Variants in FAM241A observed in about 807,000 individuals in gnomAD.
FAM241A encodes the protein family with sequence similarity 241 member A.
FAM241A carries 7 observed loss-of-function variants against 12.2 expected under a neutral mutation model. That is an observed-to-expected ratio of 0.58 (90% CI 0.33 to 1.08). The LOEUF (loss-of-function observed/expected upper bound fraction) is 1.08, where lower values mean the gene tolerates loss of function less well. FAM241A is among the 50% of genes least tolerant of loss of function. The pLI is 0.04. For synonymous variants in FAM241A, 74 were observed against 68.2 expected (o/e 1.08, Z -0.42); for missense variants, 161 against 169.7 (o/e 0.95, Z 0.29).
intron 1 of FAM241A, among the ~76,000 whole-genome samples, chr4:112,148,382 A>G (rs1473605460): frequency 6.6e-6 from 1 of 152,132 alleles, no homozygotes; most frequent in Non-Finnish European, 1.5e-5. Context: ...TAGTATTAAC[A>G]TAGGTGTTTT....
chr4:112,167,429 A>G (rs1723621893), intron 1 of FAM241A, among the ~76,000 whole-genome samples: 1 of 152,182 alleles, frequency 6.6e-6, no homozygotes, highest in African/African-American at 2.4e-5. Context: ...CCATTCATCG[A>G]GGCAGAGGAT....
At chr4:112,167,277 T>C (rs910483692) in intron 1 of FAM241A, among the ~76,000 whole-genome samples, 7 of 151,944 alleles carry the variant, frequency 4.6e-5, no homozygotes, top group African/African-American at 1.7e-4. Context: ...AGTAAAAAGA[T>C]AAGATGCCCT....
In FAM241A at chr4:112,194,285, C is replaced by A. The variant is rs1724223747; in HGVS notation, c.*7347C>A. 4 of 151,760 alleles carry A rather than the reference C, an allele frequency of 2.6e-5. No homozygotes were observed. Among genetic ancestry groups the A allele is most frequent in the Admixed American group, 6.6e-5 (1 of 15,234 alleles). 9.4% of individuals were successfully genotyped at this position (151,760 alleles called of 1,614,324 possible). ...GGGTTTTCTAGATATACAATCATGT[C>A]ATCTGCAAACAGGGACAATTTGACT... On this transcript the variant is annotated 3_prime_UTR_variant, in exon 2 of 2. Transcript: ENST00000309733.
Position 112,166,225 on chromosome 4 carries a change from A to AT in FAM241A, c.154-20456dup, listed in dbSNP as rs902065571. On this transcript the variant is annotated intron_variant, in intron 1 of 1. Coordinates refer to ENST00000309733, the MANE Select transcript of FAM241A (RefSeq NM_152400.3). ...CACCACACCCGGCTAATTTTTTTGT[A>AT]TTTTTTTTTTTTAGTAGAGACGGGG... Among the ~76,000 whole-genome samples, 363 of 138,188 alleles carry AT rather than the reference A, an allele frequency of 2.6e-3. 3 individuals carry two copies. Among genetic ancestry groups the AT allele is most frequent in the East Asian group, 6.3e-3 (30 of 4,780 alleles). The allele number at this position is 138,188 out of a possible 152,430, so 90.7% of individuals were successfully genotyped here.
At chr4:112,174,810 G>A (rs1264870240) in intron 1 of FAM241A, among the ~76,000 whole-genome samples, 1 of 152,158 alleles carries the variant, frequency 6.6e-6, no homozygotes. Context: ...CAGGACAATA[G>A]CCTCAATGGC....
intron 1 of FAM241A, among the ~76,000 whole-genome samples, chr4:112,164,785 T>G (rs566976513): frequency 2.6e-5 from 4 of 152,244 alleles, no homozygotes; most frequent in Admixed American, 2.6e-4. Context: ...AATTTTAACA[T>G]GGGCAAAATA....
chr4:112,162,399 A>G (rs1383341804), intron 1 of FAM241A, among the ~76,000 whole-genome samples: 1 of 152,216 alleles, frequency 6.6e-6, no homozygotes, highest in Non-Finnish European at 1.5e-5. Flanking sequence ...ATGATTATAT[A>G]TTTAGAAAAC....
intron 1 of FAM241A, among the ~76,000 whole-genome samples, chr4:112,146,647 C>T (rs1015421064): frequency 6.6e-6 from 1 of 152,196 alleles, no homozygotes; most frequent in East Asian, 1.9e-4. Context: ...ACTGTTAGGA[C>T]AATTAATACC....
rs534984877 is a variant in FAM241A at position 112,160,889 on chromosome 4, G to A, written c.153+15156G>A. 2.1e-4 allele frequency among the ~76,000 whole-genome samples: 32 copies of A among 151,796 alleles called. No homozygotes were observed. The South Asian group carries it at 5.0e-3, about 24-fold the overall frequency. ...GAATGAAACTACATCCTTATCTCTC[G>A]CCATATACAAAAATCAAATCAAAAT... On this transcript the variant is annotated intron_variant, in intron 1 of 1. Coordinates refer to ENST00000309733, the MANE Select transcript of FAM241A (RefSeq NM_152400.3).
chr4:112,167,006 T>C (rs530288538), intron 1 of FAM241A, among the ~76,000 whole-genome samples: 18 of 62,418 alleles, frequency 2.9e-4, no homozygotes, highest in Middle Eastern at 8.5e-3. Context: ...CCCAGCTACT[T>C]GGGAGGCTGA....
In FAM241A at chr4:112,184,278, C is replaced by A. The variant is rs534560742; in HGVS notation, c.154-2415C>A. Reference sequence around the variant, plus strand: ...GGCACAGTGGCTCACGCTGGTAATTCCAGCACTTTGGGAGGCCAAGGCAGG... The same window carrying A: ...GGCACAGTGGCTCACGCTGGTAATTACAGCACTTTGGGAGGCCAAGGCAGG... On this transcript the variant is annotated intron_variant, in intron 1 of 1. Transcript: ENST00000309733. Among the ~76,000 whole-genome samples the A allele has an allele frequency of 3.9e-5, 6 of 152,264 alleles. No homozygotes were observed. The East Asian group carries it at 7.7e-4, about 20-fold the overall frequency.
At chr4:112,147,330 A>T (rs1161910643) in intron 1 of FAM241A, among the ~76,000 whole-genome samples, 1 of 152,218 alleles carries the variant, frequency 6.6e-6, no homozygotes, top group Non-Finnish European at 1.5e-5. Flanking sequence ...TTTTTGCCTC[A>T]AGATTTATTA....
At chr4:112,164,990 G>A (rs1438509960) in intron 1 of FAM241A, among the ~76,000 whole-genome samples, 1 of 152,080 alleles carries the variant, frequency 6.6e-6, no homozygotes, top group Non-Finnish European at 1.5e-5. Context: ...TCAGCTATTT[G>A]GGAGGCTGAG....
chr4:112,181,672 C>T (rs553927472), intron 1 of FAM241A, among the ~76,000 whole-genome samples: 135 of 152,292 alleles, frequency 8.9e-4, no homozygotes, highest in African/African-American at 3.1e-3. Context: ...GATGCCTTAA[C>T]TAAGCAAAGG....
chr4:112,182,972 C>A (rs200521125), intron 1 of FAM241A, among the ~76,000 whole-genome samples: 2 of 114,134 alleles, frequency 1.8e-5, no homozygotes, highest in African/African-American at 6.6e-5. Flanking sequence ...TTTTTTTTTT[C>A]TTTTGCCTGC....
intron 1 of FAM241A, among the ~76,000 whole-genome samples, chr4:112,149,995 T>G (rs1476470973): frequency 1.3e-5 from 2 of 152,134 alleles, no homozygotes; most frequent in Admixed American, 6.5e-5. Flanking sequence ...ACCACTCACA[T>G]GTATACACGT....
chr4:112,193,037 T>C lies in FAM241A; in HGVS notation c.*6099T>C, dbSNP rs1321670080. On this transcript the variant is annotated 3_prime_UTR_variant, in exon 2 of 2. Transcript: ENST00000309733. ...TTTCCTGACTTTTTAATGATCGCCATTCTAACTGGTGTGAGATGGTATCTC... is the reference window on the plus strand; with the variant it reads ...TTTCCTGACTTTTTAATGATCGCCACTCTAACTGGTGTGAGATGGTATCTC... The C allele has an allele frequency of 2.6e-5, 4 of 151,124 alleles. 1 individual carries two copies. Among genetic ancestry groups the C allele is most frequent in the African/African-American group, 9.8e-5 (4 of 40,740 alleles). 9.4% of individuals were successfully genotyped at this position (151,124 alleles called of 1,614,324 possible).
chr4:112,152,376 A>G (rs1361463212), intron 1 of FAM241A, among the ~76,000 whole-genome samples: 1 of 152,230 alleles, frequency 6.6e-6, no homozygotes, highest in Admixed American at 6.5e-5. Context: ...GCCAAAGTTG[A>G]GAAACAATAT....
intron 1 of FAM241A, among the ~76,000 whole-genome samples, chr4:112,166,292 G>A (rs937075750): frequency 2.0e-5 from 3 of 151,530 alleles, no homozygotes; most frequent in Admixed American, 6.6e-5. Flanking sequence ...TCCTGGTCTC[G>A]ATCTCCTGAC....
Sources: gnomAD v4.1 joint callset for allele counts (sites outside exome capture counted in the v4.1 genomes callset) on GRCh38, gnomAD v4.1.1 for gene constraint, MANE v1.5 for transcripts, NCBI Gene and HGNC (gene_info 2026-07-23, HGNC 2026-07-21) for gene names.